Variants in PDPN observed in about 807,000 individuals in gnomAD.
PDPN encodes podoplanin.
A neutral mutation model predicts 23.2 loss-of-function variants in PDPN; 12 were observed. The observed-to-expected ratio is 0.52, with a 90% confidence interval of 0.33 to 0.84. PDPN has a LOEUF of 0.84. Among genes scored for constraint, PDPN ranks in the 40% least tolerant of loss-of-function variants. The pLI, the probability that PDPN is intolerant of heterozygous loss-of-function variation, is 0.02. For synonymous variants in PDPN, 77 were observed against 76.7 expected, an observed-to-expected ratio of 1.00 and a Z score of -0.02; for missense variants, 199 against 212.2, an observed-to-expected ratio of 0.94 and a Z score of 0.39.
At position 13,592,751 on chromosome 1, in the gene PDPN, T is replaced by A. The variant is rs1398009935; in HGVS notation, c.67+8651T>A. On this transcript the variant is annotated intron_variant, in intron 1 of 5. Coordinates refer to ENST00000621990, the MANE Select transcript of PDPN (RefSeq NM_006474.5). ...TTTTAGTAGAGTCGTGGTTTCTCCA[T>A]GTTGGTCAGGCTGGTCTCAAACTCC... 4.0e-5 allele frequency among the ~76,000 whole-genome samples: 6 copies of A among 151,374 alleles called. No individual in the cohort carries two copies. The East Asian group carries it at 1.0e-3, about 25-fold the overall frequency.
At chr1:13,615,806 G>A (rs1173797771) in intron 5 of PDPN, 99 bp from the exon 6 acceptor site, 4 of 1,110,286 alleles carry the variant, frequency 3.6e-6, no homozygotes, top group Non-Finnish European at 5.5e-6. Context: ...TCAGAACTTG[G>A]AAGATTTAGA....
chr1:13,607,317 T>G lies in PDPN; in HGVS notation c.201+11T>G. On this transcript the variant is annotated intron_variant, in intron 2 of 5. Coordinates refer to ENST00000621990, the MANE Select transcript of PDPN (RefSeq NM_006474.5). ...GGCTTGACAACTCTGGTCAGTGTCCTGGGAAGAGAGGAATTTTTTCCGTAG... is the reference window on the plus strand; with the variant it reads ...GGCTTGACAACTCTGGTCAGTGTCCGGGGAAGAGAGGAATTTTTTCCGTAG... 1.9e-6 allele frequency: 3 copies of G among 1,610,230 alleles called. No individual in the cohort carries two copies. The highest frequency in any genetic ancestry group is 2.5e-6 in the Non-Finnish European group (3 of 1,178,030).
At chr1:13,585,881 G>C (rs905758136) in intron 1 of PDPN, among the ~76,000 whole-genome samples, 7 of 152,130 alleles carry the variant, frequency 4.6e-5, no homozygotes, top group Non-Finnish European at 2.9e-5. Flanking sequence ...GAGCTGGGCT[G>C]GGGGGTAATT....
rs1196931163 is a variant in PDPN, at chr1:13,617,806, C to CG, written c.*1895_*1896insG. ...CATCTTTTCTTTCCTATCCTTTCTT[C>CG]CCCCCTCACTGTGAAAAATAACAGT... On this transcript the variant is annotated 3_prime_UTR_variant, in exon 6 of 6. Coordinates refer to ENST00000621990, the MANE Select transcript of PDPN (RefSeq NM_006474.5). The CG allele has an allele frequency of 9.9e-5, 15 of 150,994 alleles. No homozygotes were observed. The highest frequency in any genetic ancestry group is 1.9e-4 in the Non-Finnish European group (13 of 67,888). The allele number at this position is 150,994 out of a possible 1,614,324, so 9.4% of individuals were successfully genotyped here. A position where few individuals can be genotyped will look rare whatever the true frequency, so the allele number is the denominator to read the frequency against.
At chr1:13,584,513 G>A (rs1413341854) in intron 1 of PDPN, among the ~76,000 whole-genome samples, 1 of 152,260 alleles carries the variant, frequency 6.6e-6, no homozygotes, top group African/African-American at 2.4e-5. Context: ...GTAGAATCAG[G>A]AGGGACGTTC....
intron 1 of PDPN, among the ~76,000 whole-genome samples, chr1:13,596,970 C>T (rs1266854466): frequency 6.6e-6 from 1 of 152,140 alleles, no homozygotes; most frequent in Non-Finnish European, 1.5e-5. Flanking sequence ...CACCTTTCTA[C>T]TGTTCGGGGT....
intron 1 of PDPN, among the ~76,000 whole-genome samples, chr1:13,597,449 A>G (rs17390097): frequency 0.082 from 12,505 of 152,270 alleles, 641 homozygotes; most frequent in Middle Eastern, 0.15. Context: ...CAGCATCACC[A>G]GTTCAAGATA....
intron 5 of PDPN, chr1:13,614,856 T>C (rs189525903): frequency 3.9e-6 from 2 of 516,438 alleles, no homozygotes; most frequent in Non-Finnish European, 7.7e-6. Context: ...AGGACAAATG[T>C]CTACTTAGAC....
At chr1:13,605,352 G>C (rs897524265) in intron 1 of PDPN, among the ~76,000 whole-genome samples, 1 of 152,194 alleles carries the variant, frequency 6.6e-6, no homozygotes, top group Non-Finnish European at 1.5e-5. Context: ...CCTCGCTCCT[G>C]GGATGTGTAT....
intron 3 of PDPN, among the ~76,000 whole-genome samples, chr1:13,612,786 T>G (rs1640966849): frequency 6.6e-6 from 1 of 152,166 alleles, no homozygotes; most frequent in Non-Finnish European, 1.5e-5. Flanking sequence ...TACATGATAG[T>G]TGGCTAGTTT....
chr1:13,598,235 G>A (rs566395564), intron 1 of PDPN, among the ~76,000 whole-genome samples: 6 of 151,878 alleles, frequency 4.0e-5, no homozygotes, highest in Admixed American at 6.6e-5. Context: ...CAGACTGGTC[G>A]CTAACCCCTC....
chr1:13,589,011 CT>C (rs1640263952), intron 1 of PDPN, among the ~76,000 whole-genome samples: 1 of 53,388 alleles, frequency 1.9e-5, no homozygotes, highest in African/African-American at 1.4e-4. Flanking sequence ...TATTGAACAG[CT>C]ATTTATTGAA....
chr1:13,588,138 T>TACAC (rs34227537), intron 1 of PDPN, among the ~76,000 whole-genome samples: 2 of 150,534 alleles, frequency 1.3e-5, no homozygotes, highest in Non-Finnish European at 3.0e-5. Context: ...CAAACACACA[T>TACAC]ACACACACAC....
chr1:13,593,587 C>G (rs1188515871), intron 1 of PDPN, among the ~76,000 whole-genome samples: 1 of 152,210 alleles, frequency 6.6e-6, no homozygotes, highest in Non-Finnish European at 1.5e-5. Context: ...TCTGCACATT[C>G]CTGCAGGCCT....
intron 1 of PDPN, among the ~76,000 whole-genome samples, chr1:13,604,590 T>A (rs1325657671): frequency 2.0e-5 from 3 of 149,120 alleles, no homozygotes; most frequent in Non-Finnish European, 3.0e-5. Context: ...TCAATCTAAT[T>A]TCATTGAGCA....
chr1:13,614,197 T>A (rs1641007105), intron 4 of PDPN, 103 bp from the exon 5 acceptor site: 1 of 654,532 alleles, frequency 1.5e-6, no homozygotes, highest in Non-Finnish European at 2.7e-6. Context: ...GAGCAATATT[T>A]GCTATGTGCA....
chr1:13,603,797 C>T (rs1478265930), intron 1 of PDPN, among the ~76,000 whole-genome samples: 1 of 152,156 alleles, frequency 6.6e-6, no homozygotes, highest in Non-Finnish European at 1.5e-5. Context: ...CCATCTTGGC[C>T]AGGCTGGTCT....
chr1:13,592,840 G>A (rs915627314), intron 1 of PDPN, among the ~76,000 whole-genome samples: 4 of 151,880 alleles, frequency 2.6e-5, no homozygotes, highest in Non-Finnish European at 2.9e-5. Flanking sequence ...GTGAGCCACC[G>A]CGCCTGGCCA....
In PDPN at chr1:13,605,424, A is replaced by G. The variant is rs141296545; in HGVS notation, c.68-1749A>G. ...TTCCAGAACCACTGGAGTTTAGGGAAGAAGCCCATGGCCAGTGAGTCACAT... is the reference window on the plus strand; with the variant it reads ...TTCCAGAACCACTGGAGTTTAGGGAGGAAGCCCATGGCCAGTGAGTCACAT... On this transcript the variant is annotated intron_variant, in intron 1 of 5. Coordinates refer to ENST00000621990, the MANE Select transcript of PDPN (RefSeq NM_006474.5). Among the ~76,000 whole-genome samples, 354 of 152,356 alleles carry G rather than the reference A, an allele frequency of 2.3e-3. 2 individuals are homozygous for G. The highest frequency in any genetic ancestry group is 8.2e-3 in the African/African-American group (339 of 41,592).
Sources: allele counts gnomAD v4.1 joint callset (sites outside exome capture counted in the v4.1 genomes callset), GRCh38; gene constraint gnomAD v4.1.1; transcripts MANE v1.5; gene names NCBI Gene and HGNC (gene_info 2026-07-23, HGNC 2026-07-21).